Variants in WDR27 observed in about 807,000 individuals in gnomAD.
WDR27 encodes WD repeat-containing protein 27.
WDR27 carries 100 observed loss-of-function variants against 114.4 expected under a neutral mutation model. That is an observed-to-expected ratio of 0.87 (90% confidence interval 0.74 to 1.03). The LOEUF is 1.03. WDR27 is among the 50% of genes least tolerant of loss of function. The probability of loss-of-function intolerance (pLI) is 0.00; values close to 1 mark genes in which losing one functional copy is unlikely to be tolerated. For synonymous variants in WDR27, 449 were observed against 423.1 expected (o/e 1.06, Z -0.75); for missense variants, 1,129 against 1,092.9 (o/e 1.03, Z -0.47).
intron 7 of WDR27, 79 bp from the exon 8 acceptor site, chr6:169,664,365 A>G: frequency 6.2e-7 from 1 of 1,603,448 alleles, no homozygotes; most frequent in Non-Finnish European, 8.5e-7. Context: ...GAGGTGGAGC[A>G]GGGAGGGCAG....
chr6:169,462,843 AAATT>A (rs1785085265), intron 25 of WDR27, among the ~76,000 whole-genome samples: 1 of 152,234 alleles, frequency 6.6e-6, no homozygotes, highest in African/African-American at 2.4e-5. Flanking sequence ...GTCATTAATA[AAATT>A]AATGATACAA....
At chr6:169,654,181 A>T (rs1452425972) in intron 13 of WDR27, among the ~76,000 whole-genome samples, 2 of 152,252 alleles carry the variant, frequency 1.3e-5, no homozygotes, top group Non-Finnish European at 2.9e-5. Context: ...CACAACAAAA[A>T]GAGTATACAT....
intron 25 of WDR27, among the ~76,000 whole-genome samples, chr6:169,501,744 T>A (rs1791274118): frequency 6.6e-6 from 1 of 152,132 alleles, no homozygotes. Context: ...CATGGTCTGG[T>A]TAAAGCAGGA....
At chr6:169,486,152 G>A (rs533374119) in intron 25 of WDR27, among the ~76,000 whole-genome samples, 3 of 150,894 alleles carry the variant, frequency 2.0e-5, no homozygotes, top group East Asian at 1.9e-4. Context: ...AACTTAAAAA[G>A]GTTTTTTTTT....
chr6:169,546,604 C>T (rs1248328381), intron 25 of WDR27, among the ~76,000 whole-genome samples: 1 of 152,176 alleles, frequency 6.6e-6, no homozygotes, highest in Admixed American at 6.5e-5. Flanking sequence ...GTCTCTTCTC[C>T]AGTTTCCAGA....
chr6:169,669,999 AC>A (rs1160373529), intron 4 of WDR27: 1 of 152,030 alleles, frequency 6.6e-6, no homozygotes, highest in African/African-American at 2.4e-5. Context: ...GGGGTCACCT[AC>A]AAAATCAGGC....
the WDR27 span, among the ~76,000 whole-genome samples, chr6:169,448,637 T>C: frequency 6.6e-6 from 1 of 152,184 alleles, no homozygotes; most frequent in African/African-American, 2.4e-5. Flanking sequence ...GACTTGGCTG[T>C]GCCCCTGGTG....
At chr6:169,516,556 C>T (rs1793666806) in intron 25 of WDR27, among the ~76,000 whole-genome samples, 1 of 152,054 alleles carries the variant, frequency 6.6e-6, no homozygotes, top group Admixed American at 6.6e-5. Context: ...TTGCTGCTTC[C>T]TGTTGGGGAA....
intron 25 of WDR27, among the ~76,000 whole-genome samples, chr6:169,568,947 T>C (rs1205668431): frequency 6.6e-6 from 1 of 152,064 alleles, no homozygotes; most frequent in Non-Finnish European, 1.5e-5. Context: ...TGCCATATGG[T>C]TTTAGAAGGA....
intron 21 of WDR27, among the ~76,000 whole-genome samples, chr6:169,618,627 CAAA>C (rs560399990): frequency 1.7e-4 from 16 of 92,134 alleles, no homozygotes; most frequent in South Asian, 1.1e-3. Flanking sequence ...TGGATGACTG[CAAA>C]AAAAAAAAAA....
chr6:169,614,461 A>G, intron 21 of WDR27, among the ~76,000 whole-genome samples: 1 of 152,100 alleles, frequency 6.6e-6, no homozygotes, highest in East Asian at 1.9e-4. Context: ...CAAGGCGGGC[A>G]GATCACCTGA....
intron 25 of WDR27, among the ~76,000 whole-genome samples, chr6:169,500,376 A>G (rs1209211268): frequency 6.6e-6 from 1 of 152,104 alleles, no homozygotes; most frequent in African/African-American, 2.4e-5. Flanking sequence ...TTACTGTCTC[A>G]CAAATGCTTA....
At chr6:169,642,555 G>A (rs1819498839) in intron 17 of WDR27, among the ~76,000 whole-genome samples, 2 of 152,162 alleles carry the variant, frequency 1.3e-5, no homozygotes, top group Non-Finnish European at 2.9e-5. Context: ...GCGCTCGAAG[G>A]GCAAGGGTGG....
At chr6:169,442,798 C>A in the WDR27 span, among the ~76,000 whole-genome samples, 8 of 152,170 alleles carry the variant, frequency 5.3e-5, no homozygotes, top group African/African-American at 1.9e-4. Flanking sequence ...CCTGTCCTGA[C>A]GGATGCAGGA....
Position 169,688,903 on chromosome 6 carries a change from G to C in WDR27, c.103C>G (p.Gln35Glu). Residue 35 changes from glutamine to glutamate, a missense_variant, in exon 2 of 26, where the codon CAG becomes GAG. Transcript: ENST00000448612. ...CAGTCCTGCATGCTGCAAGCAAGCT[G>C]AACATGAGACACAGACTCCTTGGAT... The part of the protein sequence containing the change: ...VESKESVSHV[Q>E]LACSMQDCAF... The C allele has an allele frequency of 4.3e-6, 7 of 1,613,968 alleles. No individual in the cohort carries two copies. The African/African-American group carries it at 5.3e-5, about 12-fold the overall frequency.
At position 169,599,603 on chromosome 6, in the gene WDR27, G is replaced by C. The variant is rs548532660; in HGVS notation, c.2424+2616C>G. ...TTTGTATTTCTGTGGGATTGGTGGTGATATCCCCTTTATTGTTTTTTATTG... is the reference window on the plus strand; with the variant it reads ...TTTGTATTTCTGTGGGATTGGTGGTCATATCCCCTTTATTGTTTTTTATTG... On this transcript the variant is annotated intron_variant, in intron 23 of 25. Coordinates refer to ENST00000448612, the MANE Select transcript of WDR27 (RefSeq NM_182552.5). 8.1e-4 allele frequency among the ~76,000 whole-genome samples: 123 copies of C among 152,262 alleles called. 1 individual carries two copies. The highest frequency in any genetic ancestry group is 1.5e-3 in the Non-Finnish European group (101 of 68,012).
chr6:169,481,834 C>G (rs537296756), intron 25 of WDR27, among the ~76,000 whole-genome samples: 1 of 152,198 alleles, frequency 6.6e-6, no homozygotes, highest in Non-Finnish European at 1.5e-5. Context: ...CACGAACCCA[C>G]CAGAAGGAAG....
In WDR27 at chr6:169,699,447, C is replaced by A. The variant is rs1249873144; in HGVS notation, c.-8+2104G>T. 4.6e-5 allele frequency among the ~76,000 whole-genome samples: 7 copies of A among 152,284 alleles called. No individual in the cohort carries two copies. In the East Asian group the frequency reaches 1.4e-3, roughly 29 times the overall value. ...CACAGGAAGAACGACAATGGCATCACCAGCACACAGAGCTGACGAGATACA... is the reference window on the plus strand; with the variant it reads ...CACAGGAAGAACGACAATGGCATCAACAGCACACAGAGCTGACGAGATACA... On this transcript the variant is annotated intron_variant, in intron 1 of 25. Coordinates refer to ENST00000448612, the MANE Select transcript of WDR27 (RefSeq NM_182552.5).
chr6:169,612,428 A>AAAAC (rs1365559997), intron 22 of WDR27, among the ~76,000 whole-genome samples: 14 of 151,650 alleles, frequency 9.2e-5, no homozygotes, highest in African/African-American at 2.7e-4. Flanking sequence ...ACTCCGTCTC[A>AAAAC]AAACAAACAA....
Sources: allele counts gnomAD v4.1 joint callset (sites outside exome capture counted in the v4.1 genomes callset), GRCh38; gene constraint gnomAD v4.1.1; transcripts MANE v1.5; gene names NCBI Gene and HGNC (gene_info 2026-07-23, HGNC 2026-07-21).